The following DCLK1 variants were observed in gnomAD, a reference collection of about 807,000 sequenced individuals.
DCLK1 encodes the protein serine/threonine-protein kinase DCLK1.
DCLK1 carries 16 observed loss-of-function variants against 86.2 expected under a neutral mutation model. That is an observed-to-expected ratio of 0.19 (90% CI 0.13 to 0.28). DCLK1 has a LOEUF of 0.28. DCLK1 is among the 10% of genes least tolerant of loss of function. DCLK1 has a pLI of 1.00. For missense variants in DCLK1, 590 were observed against 940.2 expected, an observed-to-expected ratio of 0.63 and a Z score of 4.87; for synonymous variants, 369 against 370.5, an observed-to-expected ratio of 1.00 and a Z score of 0.05.
intron 3 of DCLK1, among the ~76,000 whole-genome samples, chr13:36,037,920 G>T (rs1038278352): frequency 3.3e-5 from 5 of 152,014 alleles, no homozygotes; most frequent in South Asian, 2.1e-4. Context: ...AACTTCCAAG[G>T]TTCCATGGGT....
intron 4 of DCLK1, among the ~76,000 whole-genome samples, chr13:35,938,973 AG>A (rs1213605902): frequency 6.6e-6 from 1 of 152,246 alleles, no homozygotes; most frequent in African/African-American, 2.4e-5. Context: ...ATCTATTTGT[AG>A]CGAAGGAACT....
intron 8 of DCLK1, among the ~76,000 whole-genome samples, chr13:35,833,836 T>A (rs1869152721): frequency 6.6e-6 from 1 of 152,212 alleles, no homozygotes; most frequent in Non-Finnish European, 1.5e-5. Flanking sequence ...ACATGCCATA[T>A]GTCCTCGTTC....
At chr13:35,776,312 A>G (rs1005098075) in intron 16 of DCLK1, among the ~76,000 whole-genome samples, 1 of 152,236 alleles carries the variant, frequency 6.6e-6, no homozygotes, top group African/African-American at 2.4e-5. Flanking sequence ...TGTTTGTAAA[A>G]AAAACAGACG....
chr13:36,035,582 A>G (rs1227422766), intron 3 of DCLK1, among the ~76,000 whole-genome samples: 3 of 152,188 alleles, frequency 2.0e-5, no homozygotes, highest in Non-Finnish European at 4.4e-5. Context: ...TCTGTTGCCC[A>G]AGCAGGAATG....
intron 3 of DCLK1, among the ~76,000 whole-genome samples, chr13:35,968,616 A>C (rs553924290): frequency 2.6e-5 from 4 of 152,324 alleles, no homozygotes; most frequent in Non-Finnish European, 5.9e-5. Flanking sequence ...CTGTTGATCT[A>C]TTGGAATTTC....
intron 2 of DCLK1, among the ~76,000 whole-genome samples, chr13:36,115,348 T>TA (rs1182770154): frequency 3.2e-5 from 4 of 123,460 alleles, no homozygotes; most frequent in African/African-American, 6.4e-5. Context: ...AACAAACAAA[T>TA]AAAAAAACAC....
At chr13:36,029,102 C>A (rs1882163473) in intron 3 of DCLK1, among the ~76,000 whole-genome samples, 1 of 152,220 alleles carries the variant, frequency 6.6e-6, no homozygotes, top group Admixed American at 6.5e-5. Flanking sequence ...CTTGCTTTCT[C>A]TTTATGGATT....
rs1288041060 is a variant in DCLK1 at position 35,771,051 on chromosome 13, T to C, written c.*3484A>G. The C allele has an allele frequency of 6.6e-6, 1 of 152,202 alleles. No homozygotes were observed. The highest frequency in any genetic ancestry group is 1.9e-4 in the East Asian group (1 of 5,190). The allele number at this position is 152,202 out of a possible 1,614,324, so 9.4% of individuals were successfully genotyped here. On this transcript the variant is annotated 3_prime_UTR_variant, in exon 17 of 17. Coordinates refer to ENST00000360631, the MANE Select transcript of DCLK1 (RefSeq NM_001330071.2). ...TTAAGAAAGCTCTCCCTCAGCACGA[T>C]TGAGCTTCAGCGCAAGGGATAGAGT...
intron 8 of DCLK1, among the ~76,000 whole-genome samples, chr13:35,829,523 A>G (rs1408540370): frequency 6.6e-6 from 1 of 152,194 alleles, no homozygotes; most frequent in Admixed American, 6.5e-5. Context: ...TCCTGGTTAT[A>G]TGGTTACAGC....
intron 4 of DCLK1, among the ~76,000 whole-genome samples, chr13:35,921,391 A>G (rs1875793749): frequency 6.6e-6 from 1 of 152,090 alleles, no homozygotes; most frequent in Non-Finnish European, 1.5e-5. Flanking sequence ...ATACCCATGG[A>G]GCATCAGACC....
chr13:36,104,006 G>A (rs1046315191), intron 3 of DCLK1, among the ~76,000 whole-genome samples: 13 of 152,202 alleles, frequency 8.5e-5, no homozygotes, highest in African/African-American at 3.1e-4. Flanking sequence ...TTTCAATAGC[G>A]AAAATGATCT....
At chr13:35,983,353 G>A (rs1879753649) in intron 3 of DCLK1, among the ~76,000 whole-genome samples, 1 of 152,102 alleles carries the variant, frequency 6.6e-6, no homozygotes, top group Non-Finnish European at 1.5e-5. Flanking sequence ...TAAGGCTGGT[G>A]GAGCATGTTA....
intron 3 of DCLK1, among the ~76,000 whole-genome samples, chr13:36,004,749 C>T (rs1170993): frequency 0.85 from 128,575 of 152,124 alleles, 54,412 homozygotes; most frequent in East Asian, 0.97. Flanking sequence ...ATAATTTTTG[C>T]ATTTTTTTCG....
chr13:35,913,279 G>T (rs1036137805), intron 4 of DCLK1, among the ~76,000 whole-genome samples: 1 of 152,122 alleles, frequency 6.6e-6, no homozygotes, highest in Non-Finnish European at 1.5e-5. Flanking sequence ...CCATGATACT[G>T]GCCTGGATAC....
intron 4 of DCLK1, among the ~76,000 whole-genome samples, chr13:35,916,117 C>A (rs1875393048): frequency 6.6e-6 from 1 of 152,172 alleles, no homozygotes; most frequent in Admixed American, 6.5e-5. Flanking sequence ...TCCCTGTTAG[C>A]ATAGGCTTAC....
intron 6 of DCLK1, chr13:35,849,368 A>C: frequency 1.0e-6 from 1 of 985,252 alleles, no homozygotes; most frequent in Non-Finnish European, 1.2e-6. Context: ...TGAAAAAAAA[A>C]ATCATGTAAA....
At chr13:35,822,177 G>T (rs1402061686) in intron 11 of DCLK1, among the ~76,000 whole-genome samples, 2 of 151,092 alleles carry the variant, frequency 1.3e-5, no homozygotes, top group South Asian at 4.2e-4. Context: ...TCAAGACAGG[G>T]TCTCACTCTG....
intron 3 of DCLK1, among the ~76,000 whole-genome samples, chr13:35,977,315 G>C (rs1403058572): frequency 4.6e-5 from 7 of 152,148 alleles, no homozygotes; most frequent in African/African-American, 1.7e-4. Flanking sequence ...TCTGCTGTCT[G>C]CATTTCTGCG....
At chr13:35,932,687 T>C (rs192375718) in intron 4 of DCLK1, among the ~76,000 whole-genome samples, 21 of 152,308 alleles carry the variant, frequency 1.4e-4, no homozygotes, top group Admixed American at 8.5e-4. Context: ...GAGAACAGTA[T>C]GTGGGAAAAC....
Sources: gnomAD v4.1 joint callset for allele counts (sites outside exome capture counted in the v4.1 genomes callset) on GRCh38, gnomAD v4.1.1 for gene constraint, MANE v1.5 for transcripts, NCBI Gene and HGNC (gene_info 2026-07-23, HGNC 2026-07-21) for gene names.